MMD2: variants seen among roughly 807,000 people sequenced by gnomAD.
The protein encoded by MMD2 is monocyte to macrophage differentiation associated 2.
A neutral mutation model predicts 33.5 loss-of-function variants in MMD2; 30 were observed. That is an observed-to-expected ratio of 0.90 (90% CI 0.67 to 1.22). The LOEUF is 1.22. MMD2 is among the 50% of genes most tolerant of loss of function. The probability of loss-of-function intolerance (pLI) is 0.00; values close to 1 mark genes in which losing one functional copy is unlikely to be tolerated. For synonymous variants in MMD2, 129 were observed against 123.0 expected (o/e 1.05, Z -0.32); for missense variants, 364 against 325.4 (o/e 1.12, Z -0.91).
intron 2 of MMD2, among the ~76,000 whole-genome samples, chr7:4,920,875 G>A (rs959494433): frequency 4.0e-5 from 6 of 151,680 alleles, no homozygotes; most frequent in Admixed American, 2.0e-4. Flanking sequence ...CCACCACCAC[G>A]ACTGGCCAAT....
downstream of MMD2, among the ~76,000 whole-genome samples, chr7:4,903,919 C>T (rs553480199): frequency 2.7e-4 from 41 of 152,012 alleles, no homozygotes; most frequent in Admixed American, 7.2e-4. Context: ...GTCTGAATTT[C>T]CGGTGCATGC....
downstream of MMD2, among the ~76,000 whole-genome samples, chr7:4,903,139 G>A (rs551667463): frequency 3.3e-5 from 5 of 152,310 alleles, no homozygotes; most frequent in South Asian, 1.0e-3. Context: ...TCGAGAGGCT[G>A]AGGCAGGAGA....
At chr7:4,908,656 T>G (rs1784925107) in intron 6 of MMD2, among the ~76,000 whole-genome samples, 1 of 151,560 alleles carries the variant, frequency 6.6e-6, no homozygotes. Flanking sequence ...TCCCAGCACT[T>G]TGGAGGCTAA....
chr7:4,958,936 C>T (rs749860951), intron 1 of MMD2, 35 bp downstream of exon 1: 6 of 1,291,532 alleles, frequency 4.6e-6, no homozygotes, highest in Middle Eastern at 2.8e-4. Context: ...GCGCCCCTCC[C>T]TCCCTCCCCG....
At chr7:4,911,805 T>C (rs972975420) in intron 4 of MMD2, among the ~76,000 whole-genome samples, 1 of 151,988 alleles carries the variant, frequency 6.6e-6, no homozygotes, top group Admixed American at 6.6e-5. Context: ...TGCGCCACCA[T>C]GCCCGGCTAA....
intron 1 of MMD2, among the ~76,000 whole-genome samples, chr7:4,952,489 A>C (rs1400619895): frequency 6.6e-6 from 1 of 152,190 alleles, no homozygotes; most frequent in Non-Finnish European, 1.5e-5. Flanking sequence ...CCGGGCGGCC[A>C]CTGCCCGAAC....
chr7:4,907,077 T>C lies in MMD2; in HGVS notation c.*319A>G. On this transcript the variant is annotated 3_prime_UTR_variant, in exon 7 of 7. Coordinates refer to ENST00000401401, the MANE Select transcript of MMD2 (RefSeq NM_198403.4). ...TCTTCAGGACCTTAGGAAACACAGA[T>C]TGGCCCGTCATTCCCCAATTTTCCA... is the stretch of plus-strand genomic sequence containing the variant. The C allele has an allele frequency of 2.9e-6, 1 of 348,570 alleles. No homozygotes were observed. Among genetic ancestry groups the C allele is most frequent in the Non-Finnish European group, 5.3e-6 (1 of 187,040 alleles). 21.6% of individuals were successfully genotyped at this position (348,570 alleles called of 1,614,324 possible).
chr7:4,957,705 A>G (rs779804961), intron 1 of MMD2, among the ~76,000 whole-genome samples: 41 of 151,914 alleles, frequency 2.7e-4, no homozygotes, highest in Non-Finnish European at 5.4e-4. Context: ...AACAGAGTCA[A>G]TCCGCAGGAA....
At chr7:4,938,297 C>T (rs932751276) in intron 1 of MMD2, among the ~76,000 whole-genome samples, 8 of 151,988 alleles carry the variant, frequency 5.3e-5, no homozygotes, top group African/African-American at 1.9e-4. Context: ...GCATGAGCCA[C>T]CACGCCCGGC....
intron 1 of MMD2, among the ~76,000 whole-genome samples, chr7:4,929,467 G>A (rs1162476067): frequency 2.6e-5 from 4 of 152,084 alleles, no homozygotes; most frequent in Non-Finnish European, 5.9e-5. Flanking sequence ...AGGTGGGCCA[G>A]GAAGCTGCCT....
chr7:4,918,594 G>A (rs779715931), intron 3 of MMD2, among the ~76,000 whole-genome samples: 11 of 148,642 alleles, frequency 7.4e-5, no homozygotes, highest in Non-Finnish European at 1.6e-4. Context: ...AGCAATTCTC[G>A]TGCCTCAGCC....
chr7:4,920,335 G>C lies in MMD2; in HGVS notation c.130-4C>G. ...GGATGCTGGGGATGATCCAGAACTG[G>C]AGGGGCAGGGACGGCAGGGACAGGT... On this transcript the variant is annotated splice_region_variant and splice_polypyrimidine_tract_variant and intron_variant, in intron 2 of 6. Coordinates refer to ENST00000401401, the MANE Select transcript of MMD2 (RefSeq NM_198403.4). 6.2e-7 allele frequency: 1 copy of C among 1,606,536 alleles called. No individual in the cohort carries two copies. The highest frequency in any genetic ancestry group is 8.5e-7 in the Non-Finnish European group (1 of 1,177,042).
chr7:4,918,070 G>A (rs1463664395), intron 3 of MMD2, among the ~76,000 whole-genome samples: 1 of 152,316 alleles, frequency 6.6e-6, no homozygotes, highest in Non-Finnish European at 1.5e-5. Context: ...CACCAGCCAA[G>A]TGAGGGAGCT....
At position 4,909,975 on chromosome 7, in the gene MMD2, G is replaced by A. The variant is rs377750120; in HGVS notation, c.468-25C>T. 12 of 1,613,820 alleles carry A rather than the reference G, an allele frequency of 7.4e-6. No individual in the cohort carries two copies. The highest frequency in any genetic ancestry group is 4.0e-5 in the African/African-American group (3 of 74,914). On this transcript the variant is annotated intron_variant, in intron 5 of 6. Transcript: ENST00000401401. ...CCTGGCAGGAAGACAAGCCGTGCCGGCCTTAGGACATGCCTCCCCACGAAG... is the reference window on the plus strand; with the variant it reads ...CCTGGCAGGAAGACAAGCCGTGCCGACCTTAGGACATGCCTCCCCACGAAG...
chr7:4,927,416 G>A (rs1343362390), intron 1 of MMD2, among the ~76,000 whole-genome samples: 1 of 152,076 alleles, frequency 6.6e-6, no homozygotes, highest in Non-Finnish European at 1.5e-5. Context: ...GTGGTGGCAT[G>A]TGCCTGTAAT....
At chr7:4,909,844 T>C (rs758127233) in intron 6 of MMD2, 37 bp downstream of exon 6, 2 of 1,587,386 alleles carry the variant, frequency 1.3e-6, no homozygotes, top group African/African-American at 1.3e-5. Context: ...CTTGGTCTCT[T>C]GCAGGGACTC....
intron 4 of MMD2, among the ~76,000 whole-genome samples, chr7:4,912,267 G>C (rs1488724588): frequency 6.6e-6 from 1 of 151,936 alleles, no homozygotes; most frequent in Non-Finnish European, 1.5e-5. Context: ...TGTATAAAGA[G>C]ATAACTGTTG....
chr7:4,937,657 C>A (rs1461296993), intron 1 of MMD2, among the ~76,000 whole-genome samples: 1 of 152,058 alleles, frequency 6.6e-6, no homozygotes, highest in African/African-American at 2.4e-5. Context: ...TGCAGGCATG[C>A]ACCACCATAC....
At chr7:4,900,188 C>G in the MMD2 span, among the ~76,000 whole-genome samples, 1 of 152,096 alleles carries the variant, frequency 6.6e-6, no homozygotes, top group African/African-American at 2.4e-5. Flanking sequence ...GTAATCCCAG[C>G]TACTCAGGAG....
Sources: allele counts gnomAD v4.1 joint callset (sites outside exome capture counted in the v4.1 genomes callset), GRCh38; gene constraint gnomAD v4.1.1; transcripts MANE v1.5; gene names NCBI Gene and HGNC (gene_info 2026-07-23, HGNC 2026-07-21).